Variants in PRKG1 observed in about 807,000 individuals in gnomAD.
The protein encoded by PRKG1 is cGMP-dependent protein kinase 1.
In PRKG1, 35 loss-of-function variants were observed where a neutral mutation model predicts 88.1. The ratio of observed to expected loss-of-function variants is 0.40; its 90% CI spans 0.30 to 0.53. The LOEUF (loss-of-function observed/expected upper bound fraction) is 0.53. Among genes scored for constraint, PRKG1 ranks in the 20% least tolerant of loss-of-function variants. PRKG1 has a pLI of 0.59. For synonymous variants in PRKG1, 303 were observed against 292.5 expected, an observed-to-expected ratio of 1.04 and a Z score of -0.37; for missense variants, 540 against 839.8, an observed-to-expected ratio of 0.64 and a Z score of 4.41.
At chr10:51,019,124 A>G (rs1332635113) in intron 1 of PRKG1, among the ~76,000 whole-genome samples, 3 of 152,218 alleles carry the variant, frequency 2.0e-5, no homozygotes, top group Non-Finnish European at 4.4e-5. Context: ...GCCCACTTAC[A>G]GCTACTATTA....
intron 3 of PRKG1, among the ~76,000 whole-genome samples, chr10:51,509,167 A>G (rs1363769409): frequency 6.6e-6 from 1 of 152,242 alleles, no homozygotes; most frequent in Non-Finnish European, 1.5e-5. Context: ...TATACACACA[A>G]TAAGCCCTGA....
At chr10:51,175,688 T>C (rs948577873) in intron 2 of PRKG1, among the ~76,000 whole-genome samples, 2 of 152,102 alleles carry the variant, frequency 1.3e-5, no homozygotes, top group African/African-American at 4.8e-5. Flanking sequence ...AAATATATCA[T>C]TATACTCTAG....
chr10:52,035,938 G>T (rs1253062091), intron 5 of PRKG1, among the ~76,000 whole-genome samples: 1 of 152,216 alleles, frequency 6.6e-6, no homozygotes, highest in Admixed American at 6.5e-5. Flanking sequence ...TCTTGTGTAA[G>T]AATTCTGACC....
chr10:51,141,323 C>A (rs1348783256), intron 1 of PRKG1, among the ~76,000 whole-genome samples: 4 of 152,150 alleles, frequency 2.6e-5, no homozygotes, highest in Non-Finnish European at 4.4e-5. Context: ...TTCTTTATTG[C>A]TTCTCTGTTT....
intron 3 of PRKG1, among the ~76,000 whole-genome samples, chr10:51,590,990 A>C (rs902779524): frequency 1.3e-5 from 2 of 152,204 alleles, no homozygotes; most frequent in Non-Finnish European, 2.9e-5. Flanking sequence ...ACAGTTAGGG[A>C]GTGTACTGGA....
chr10:51,769,712 G>A (rs2132542678), intron 3 of PRKG1, among the ~76,000 whole-genome samples: 1 of 152,230 alleles, frequency 6.6e-6, no homozygotes, highest in East Asian at 1.9e-4. Context: ...TGATGACTTG[G>A]ATGGCTTTTA....
chr10:51,828,423 G>GA (rs1839929155), intron 4 of PRKG1, among the ~76,000 whole-genome samples: 1 of 152,102 alleles, frequency 6.6e-6, no homozygotes, highest in African/African-American at 2.4e-5. Flanking sequence ...ACTGAGCAAA[G>GA]ACTGTTCACA....
chr10:51,859,460 G>C (rs914313934), intron 4 of PRKG1, among the ~76,000 whole-genome samples: 3 of 146,260 alleles, frequency 2.1e-5, no homozygotes, highest in African/African-American at 7.6e-5. Flanking sequence ...ATTAGGGGAA[G>C]ACATACTTAA....
chr10:51,708,411 C>T (rs754184691), intron 3 of PRKG1, among the ~76,000 whole-genome samples: 8 of 152,184 alleles, frequency 5.3e-5, no homozygotes, highest in Non-Finnish European at 7.4e-5. Flanking sequence ...TAATTGACTC[C>T]GTAACAAGCA....
intron 3 of PRKG1, among the ~76,000 whole-genome samples, chr10:51,592,848 C>T (rs943435803): frequency 6.6e-6 from 1 of 152,138 alleles, no homozygotes; most frequent in Non-Finnish European, 1.5e-5. Flanking sequence ...TAGAATGTTT[C>T]TGATGATCCT....
chr10:52,157,224 A>C (rs1431339032), intron 8 of PRKG1, among the ~76,000 whole-genome samples: 1 of 67,984 alleles, frequency 1.5e-5, no homozygotes, highest in African/African-American at 3.4e-5. Flanking sequence ...ATACACACCA[A>C]GTATATATAT....
At chr10:52,267,684 C>A (rs7077931) in intron 10 of PRKG1, among the ~76,000 whole-genome samples, 1 of 151,702 alleles carries the variant, frequency 6.6e-6, no homozygotes, top group Non-Finnish European at 1.5e-5. Context: ...CACTAACATA[C>A]GAACACACTG....
At chr10:51,372,907 A>G (rs766836432) in intron 2 of PRKG1, among the ~76,000 whole-genome samples, 83 of 152,142 alleles carry the variant, frequency 5.5e-4, no homozygotes, top group Admixed American at 1.1e-3. Context: ...TTATATTTGT[A>G]TGACTCATTG....
chr10:51,274,464 T>C (rs1840062920), intron 2 of PRKG1, among the ~76,000 whole-genome samples: 1 of 152,222 alleles, frequency 6.6e-6, no homozygotes, highest in Non-Finnish European at 1.5e-5. Context: ...CTAAGTGCAA[T>C]TGAAACATTG....
chr10:51,355,328 T>C (rs1283329771), intron 2 of PRKG1, among the ~76,000 whole-genome samples: 1 of 152,098 alleles, frequency 6.6e-6, no homozygotes, highest in African/African-American at 2.4e-5. Context: ...TTAAGTTCCT[T>C]TGAATATTTT....
At chr10:51,186,252 A>G (rs1187433543) in intron 2 of PRKG1, among the ~76,000 whole-genome samples, 1 of 150,970 alleles carries the variant, frequency 6.6e-6, no homozygotes, top group Non-Finnish European at 1.5e-5. Flanking sequence ...ATGCTTCCCA[A>G]TTCTTTTTTT....
intron 2 of PRKG1, among the ~76,000 whole-genome samples, chr10:51,345,657 A>G (rs1842097334): frequency 6.6e-6 from 1 of 152,212 alleles, no homozygotes; most frequent in Non-Finnish European, 1.5e-5. Context: ...TAAAACAGGC[A>G]AGGAAGGGAA....
chr10:51,541,459 T>C (rs1289287908), intron 3 of PRKG1, among the ~76,000 whole-genome samples: 1 of 152,200 alleles, frequency 6.6e-6, no homozygotes, highest in African/African-American at 2.4e-5. Context: ...CCCATGTTCA[T>C]GGATCGATAT....
At chr10:51,902,621 A>G (rs1190155096) in intron 4 of PRKG1, among the ~76,000 whole-genome samples, 2 of 152,176 alleles carry the variant, frequency 1.3e-5, no homozygotes, top group Non-Finnish European at 2.9e-5. Context: ...GTGGATGATG[A>G]TAATAAGGTT....
Sources: gnomAD v4.1 joint callset for allele counts (sites outside exome capture counted in the v4.1 genomes callset) on GRCh38, gnomAD v4.1.1 for gene constraint, MANE v1.5 for transcripts, NCBI Gene and HGNC (gene_info 2026-07-23, HGNC 2026-07-21) for gene names.